The following WDR49 variants were observed in gnomAD, a reference collection of about 807,000 sequenced individuals.
The protein encoded by WDR49 is cilia- and flagella-associated protein 337.
In WDR49, 107 loss-of-function variants were observed where a neutral mutation model predicts 119.5. The observed-to-expected ratio is 0.90, with a 90% CI of 0.77 to 1.05. The LOEUF (loss-of-function observed/expected upper bound fraction) is 1.05. WDR49 is among the 50% of genes least tolerant of loss of function. WDR49 has a pLI of 0.00. For missense variants in WDR49, 1,240 were observed against 1,220.5 expected (o/e 1.02, Z -0.24); for synonymous variants, 425 against 418.8 (o/e 1.01, Z -0.18).
chr3:167,554,250 C>T (rs1278676430), intron 10 of WDR49, among the ~76,000 whole-genome samples: 1 of 152,100 alleles, frequency 6.6e-6, no homozygotes, highest in Non-Finnish European at 1.5e-5. Context: ...TATCACAGGA[C>T]TCAGTTGGCT....
intron 17 of WDR49, among the ~76,000 whole-genome samples, chr3:167,505,046 A>AT (rs1216582356): frequency 6.6e-6 from 1 of 152,160 alleles, no homozygotes; most frequent in African/African-American, 2.4e-5. Flanking sequence ...AGTTTCTGGC[A>AT]TTTTTTTATA....
At chr3:167,558,813 C>T (rs1713098842) in intron 9 of WDR49, among the ~76,000 whole-genome samples, 1 of 152,172 alleles carries the variant, frequency 6.6e-6, no homozygotes, top group African/African-American at 2.4e-5. Flanking sequence ...TAAATAGAAC[C>T]TAATCCGTTC....
intron 18 of WDR49, among the ~76,000 whole-genome samples, chr3:167,499,583 T>C (rs1751480685): frequency 6.6e-6 from 1 of 152,214 alleles, no homozygotes; most frequent in East Asian, 1.9e-4. Context: ...TTTTAAGAAC[T>C]CTGAAGACTA....
At position 167,478,689 on chromosome 3, in the gene WDR49, T is replaced by C. The variant is rs1313066629; in HGVS notation, c.*189A>G. 5.3e-6 allele frequency: 2 copies of C among 377,958 alleles called. No individual in the cohort carries two copies. Among genetic ancestry groups the C allele is most frequent in the Admixed American group, 8.8e-5 (2 of 22,722 alleles). The allele number at this position is 377,958 out of a possible 1,614,324, so 23.4% of individuals were successfully genotyped here. A position where few individuals can be genotyped will look rare whatever the true frequency, so the allele number is the denominator to read the frequency against. On this transcript the variant is annotated 3_prime_UTR_variant, in exon 19 of 19. Transcript: ENST00000682715. ...TACCAAGATGTTGCTCCCACTTTAGTTCAATATTTATTTTATTAAGAATAC... is the reference window on the plus strand; with the variant it reads ...TACCAAGATGTTGCTCCCACTTTAGCTCAATATTTATTTTATTAAGAATAC...
At chr3:167,559,950 T>C (rs1164523268) in intron 9 of WDR49, 114 bp downstream of exon 9, 9 of 1,134,062 alleles carry the variant, frequency 7.9e-6, no homozygotes, top group Non-Finnish European at 1.1e-5. Context: ...CATGTCTCAT[T>C]TCTCTTCTTG....
chr3:167,615,902 G>A (rs1716574468), intron 5 of WDR49, among the ~76,000 whole-genome samples: 1 of 152,182 alleles, frequency 6.6e-6, no homozygotes, highest in South Asian at 2.1e-4. Context: ...AGAGCTCATA[G>A]TGCACAATAC....
At chr3:167,590,060 T>C (rs73173050) in intron 7 of WDR49, among the ~76,000 whole-genome samples, 3,653 of 152,214 alleles carry the variant, frequency 0.024, 81 homozygotes, top group South Asian at 0.039. Context: ...TTTTATTATA[T>C]TGAGTTATGT....
chr3:167,630,346 T>C (rs1020294225), intron 2 of WDR49, among the ~76,000 whole-genome samples: 4 of 152,134 alleles, frequency 2.6e-5, no homozygotes, highest in African/African-American at 9.7e-5. Context: ...ATATGTACAC[T>C]TTTTTAGATA....
chr3:167,565,592 G>C (rs1323176886), intron 8 of WDR49, among the ~76,000 whole-genome samples: 1 of 152,094 alleles, frequency 6.6e-6, no homozygotes, highest in Non-Finnish European at 1.5e-5. Flanking sequence ...CATTTGTAGA[G>C]ACATAACTGA....
At chr3:167,625,111 T>C (rs1339010139) in intron 3 of WDR49, among the ~76,000 whole-genome samples, 2 of 152,038 alleles carry the variant, frequency 1.3e-5, no homozygotes, top group South Asian at 4.1e-4. Flanking sequence ...TGATCTATGG[T>C]TCCAAACAAT....
chr3:167,648,927 C>T (rs755034682), intron 2 of WDR49, among the ~76,000 whole-genome samples: 2 of 152,162 alleles, frequency 1.3e-5, no homozygotes, highest in Non-Finnish European at 2.9e-5. Flanking sequence ...TTTGCATACA[C>T]TATAAAAAAT....
At position 167,604,442 on chromosome 3, in the gene WDR49, T is replaced by C. The variant is rs886877360; in HGVS notation, c.985A>G (p.Ile329Val). Residue 329 changes from isoleucine (I) to valine (V), a missense_variant, in exon 6 of 19, where the codon ATC becomes GTC. Physicochemically the swap from Ile to Val is conservative, Grantham distance 29. Coordinates refer to ENST00000682715, the MANE Select transcript of WDR49 (RefSeq NM_001366157.1). ...QVTYNASLDA[I>V]ISSTTSNTNS... ...GTATTGCTGGTTGTACTGGAAATGA[T>C]AGCGTCTAAAGATGCATTGTAAGTA... The C allele has an allele frequency of 6.2e-7, 1 of 1,612,686 alleles. No homozygotes were observed. Among genetic ancestry groups the C allele is most frequent in the Non-Finnish European group, 8.5e-7 (1 of 1,179,584 alleles).
chr3:167,549,795 C>T (rs921368840), intron 10 of WDR49, among the ~76,000 whole-genome samples: 2 of 152,004 alleles, frequency 1.3e-5, no homozygotes, highest in African/African-American at 4.8e-5. Flanking sequence ...TGGTATTGCC[C>T]AGGTTTTCTT....
At chr3:167,521,263 A>T (rs1281202901) in intron 16 of WDR49, among the ~76,000 whole-genome samples, 1 of 152,174 alleles carries the variant, frequency 6.6e-6, no homozygotes, top group African/African-American at 2.4e-5. Context: ...GTGAGCCATA[A>T]GAAACTAGTC....
rs1026419879 is a variant in WDR49, at chr3:167,602,214, C to T, written c.1188G>A (p.Val396=). 4.4e-6 allele frequency: 7 copies of T among 1,606,100 alleles called. No individual in the cohort carries two copies. Among genetic ancestry groups the T allele is most frequent in the East Asian group, 2.2e-5 (1 of 44,822 alleles). Residue 396 remains valine, a synonymous_variant, in exon 7 of 19, where the codon GTG becomes GTA. Coordinates refer to ENST00000682715, the MANE Select transcript of WDR49 (RefSeq NM_001366157.1). The stretch of plus-strand genomic sequence containing the variant: ...TGGCTGAGTGGCCCCAAAGGACACC[C>T]ACTGGTTTAGAGACAACATAGGGAT... The part of the protein sequence containing the change: ...LWNPYVVSKP[V]GVLWGHSASV...
chr3:167,569,590 A>G (rs1193134615), intron 8 of WDR49, among the ~76,000 whole-genome samples: 1 of 151,876 alleles, frequency 6.6e-6, no homozygotes, highest in Non-Finnish European at 1.5e-5. Context: ...CCAGCTACTC[A>G]GGAAGCTGAG....
chr3:167,481,698 C>A (rs1199018345), intron 18 of WDR49, among the ~76,000 whole-genome samples: 3 of 151,880 alleles, frequency 2.0e-5, no homozygotes, highest in African/African-American at 7.3e-5. Context: ...TGGCAGAAGG[C>A]AAAAAGCACT....
intron 10 of WDR49, among the ~76,000 whole-genome samples, chr3:167,540,781 C>A (rs1452661976): frequency 6.6e-6 from 1 of 151,032 alleles, no homozygotes; most frequent in Non-Finnish European, 1.5e-5. Flanking sequence ...AACTGAAAAG[C>A]AATGAAAAGA....
intron 2 of WDR49, among the ~76,000 whole-genome samples, chr3:167,636,352 T>A (rs1256737548): frequency 6.6e-6 from 1 of 151,420 alleles, no homozygotes; most frequent in African/African-American, 2.4e-5. Context: ...TATATGTATA[T>A]ACATGTATAT....
Sources: allele counts gnomAD v4.1 joint callset (sites outside exome capture counted in the v4.1 genomes callset), GRCh38; gene constraint gnomAD v4.1.1; transcripts MANE v1.5; gene names NCBI Gene and HGNC (gene_info 2026-07-23, HGNC 2026-07-21).